RGS6: variants seen among roughly 807,000 people sequenced by gnomAD.
RGS6 encodes regulator of G protein signaling 6, also known as regulator of G-protein signaling 6.
RGS6 carries 30 observed loss-of-function variants against 78.5 expected under a neutral mutation model. The ratio of observed to expected loss-of-function variants is 0.38; its 90% confidence interval spans 0.29 to 0.52. RGS6 has a LOEUF of 0.52. Ranked by LOEUF, RGS6 falls within the 20% of genes least tolerant of loss-of-function variation. The pLI is 0.85. For missense variants in RGS6, 495 were observed against 609.7 expected (o/e 0.81, Z 1.98); for synonymous variants, 206 against 206.0 (o/e 1.00, Z 0.00).
intron 3 of RGS6, among the ~76,000 whole-genome samples, chr14:72,426,969 A>G (rs571184217): frequency 6.6e-6 from 1 of 152,336 alleles, no homozygotes; most frequent in South Asian, 2.1e-4. Flanking sequence ...CTTAGAATCC[A>G]GCTGCCCTGC....
chr14:71,920,635 G>GCACACACACA, the RGS6 span, among the ~76,000 whole-genome samples: 1,097 of 151,824 alleles, frequency 7.2e-3, 16 homozygotes, highest in African/African-American at 0.025. Flanking sequence ...ACACGCGCGT[G>GCACACACACA]CACACACACA....
chr14:72,445,843 A>G (rs2095350910), intron 3 of RGS6, among the ~76,000 whole-genome samples: 1 of 152,218 alleles, frequency 6.6e-6, no homozygotes, highest in Non-Finnish European at 1.5e-5. Flanking sequence ...CATATATTGA[A>G]GTTCTAAACA....
At chr14:72,096,690 A>G (rs568586658) in intron 2 of RGS6, among the ~76,000 whole-genome samples, 1 of 152,184 alleles carries the variant, frequency 6.6e-6, no homozygotes, top group African/African-American at 2.4e-5. Flanking sequence ...TAGGCTTGTC[A>G]CAGTCTGGTG....
rs931550633 is a variant in RGS6 at position 72,562,645 on chromosome 14, G to C, written c.*178G>C. 6.5e-7 allele frequency: 1 copy of C among 1,535,752 alleles called. No homozygotes were observed. The highest frequency in any genetic ancestry group is 8.7e-7 in the Non-Finnish European group (1 of 1,146,814). On this transcript the variant is annotated 3_prime_UTR_variant, in exon 18 of 18. Transcript: ENST00000553525. ...GGTGGGTGAATGGGGAGACCAGAAA[G>C]AAAGAGTCCACAGAGCCTGGGCTGG...
In RGS6 at chr14:72,082,005, C is replaced by T. The variant is rs78709366; in HGVS notation, c.84+117130C>T. Among the ~76,000 whole-genome samples, 3,261 of 151,772 alleles carry T rather than the reference C, an allele frequency of 0.021. 428 individuals carry two copies. The East Asian group carries it at 0.4, about 18-fold the overall frequency. ...AACAGTATGGTTATATTTTAAAATG[C>T]CTAGAAGACTGGAGTTAAAGTCATT... On this transcript the variant is annotated intron_variant, in intron 2 of 17. Transcript: ENST00000553525.
chr14:72,426,631 C>T (rs1179715389), intron 3 of RGS6, among the ~76,000 whole-genome samples: 1 of 152,226 alleles, frequency 6.6e-6, no homozygotes, highest in Non-Finnish European at 1.5e-5. Flanking sequence ...GAATCCCTTG[C>T]TCTGTCTACT....
At chr14:72,530,400 T>C (rs561952151) in intron 15 of RGS6, among the ~76,000 whole-genome samples, 2 of 152,188 alleles carry the variant, frequency 1.3e-5, no homozygotes, top group Non-Finnish European at 2.9e-5. Flanking sequence ...AATGTTAAAA[T>C]AATTTGGCTG....
At chr14:72,330,165 T>C (rs1049317782) in intron 2 of RGS6, among the ~76,000 whole-genome samples, 30 of 152,202 alleles carry the variant, frequency 2.0e-4, no homozygotes, top group African/African-American at 7.2e-4. Context: ...AGGATGATGG[T>C]TTGAAACCTT....
At chr14:71,903,265 A>T in the RGS6 span, among the ~76,000 whole-genome samples, 2 of 152,102 alleles carry the variant, frequency 1.3e-5, no homozygotes, top group Non-Finnish European at 2.9e-5. Flanking sequence ...TCTTTTCCTA[A>T]CCGGTTGAGG....
chr14:71,981,717 C>T (rs1463848416), intron 2 of RGS6, among the ~76,000 whole-genome samples: 3 of 151,214 alleles, frequency 2.0e-5, no homozygotes, highest in Admixed American at 6.6e-5. Context: ...TTTAAGTCTG[C>T]AGAGGTTACT....
At chr14:72,240,688 T>G (rs535845432) in intron 2 of RGS6, among the ~76,000 whole-genome samples, 13 of 152,266 alleles carry the variant, frequency 8.5e-5, no homozygotes, top group African/African-American at 2.4e-4. Context: ...GAGTTTGGGG[T>G]TTTTATTTCC....
At chr14:72,046,232 T>G (rs1409170899) in intron 2 of RGS6, among the ~76,000 whole-genome samples, 1 of 151,492 alleles carries the variant, frequency 6.6e-6, no homozygotes, top group Non-Finnish European at 1.5e-5. Flanking sequence ...TTAAACCTTA[T>G]TATGGCTTTA....
At chr14:72,234,703 G>A (rs1005584820) in intron 2 of RGS6, among the ~76,000 whole-genome samples, 4 of 151,934 alleles carry the variant, frequency 2.6e-5, no homozygotes, top group Non-Finnish European at 5.9e-5. Flanking sequence ...TGCTTGCAGT[G>A]CCTCTAACAC....
chr14:72,231,016 C>A (rs2049425929), intron 2 of RGS6, among the ~76,000 whole-genome samples: 1 of 152,086 alleles, frequency 6.6e-6, no homozygotes, highest in African/African-American at 2.4e-5. Flanking sequence ...GAGATAAATA[C>A]CTAGCAAATA....
At chr14:71,883,563 G>C in the RGS6 span, among the ~76,000 whole-genome samples, 1 of 152,192 alleles carries the variant, frequency 6.6e-6, no homozygotes, top group African/African-American at 2.4e-5. Flanking sequence ...CTATAAGGCT[G>C]AGACCTACTG....
intron 2 of RGS6, among the ~76,000 whole-genome samples, chr14:72,003,725 A>G (rs937511867): frequency 1.3e-5 from 2 of 152,032 alleles, no homozygotes; most frequent in Non-Finnish European, 2.9e-5. Flanking sequence ...GGGGGAAGGG[A>G]TGGAGGGAGG....
At chr14:72,529,384 G>A (rs1471192634) in intron 15 of RGS6, among the ~76,000 whole-genome samples, 2 of 152,176 alleles carry the variant, frequency 1.3e-5, no homozygotes, top group African/African-American at 4.8e-5. Flanking sequence ...AGTGGGATTG[G>A]TGTGGTGAGA....
At chr14:71,993,102 G>A (rs145501139) in intron 2 of RGS6, among the ~76,000 whole-genome samples, 24 of 152,252 alleles carry the variant, frequency 1.6e-4, no homozygotes, top group African/African-American at 5.1e-4. Context: ...AAAGTATTTA[G>A]TTTTAATGCA....
chr14:72,383,174 G>GTATATATA (rs1263107660), intron 3 of RGS6, among the ~76,000 whole-genome samples: 4 of 24,530 alleles, frequency 1.6e-4, no homozygotes, highest in African/African-American at 3.4e-4. Flanking sequence ...TGAAAAAATT[G>GTATATATA]TACATATATA....
Sources: allele counts gnomAD v4.1 joint callset (sites outside exome capture counted in the v4.1 genomes callset), GRCh38; gene constraint gnomAD v4.1.1; transcripts MANE v1.5; gene names NCBI Gene and HGNC (gene_info 2026-07-23, HGNC 2026-07-21).